PLA2G6: variants seen among roughly 807,000 people sequenced by gnomAD.
PLA2G6 encodes phospholipase A2 group VI, also known as 85/88 kDa calcium-independent phospholipase A2.
A neutral mutation model predicts 83.8 loss-of-function variants in PLA2G6; 62 were observed. The observed-to-expected ratio is 0.74, with a 90% CI of 0.60 to 0.91. The LOEUF (loss-of-function observed/expected upper bound fraction) is 0.91, where lower values mean the gene tolerates loss of function less well. Among genes scored for constraint, PLA2G6 ranks in the 40% least tolerant of loss-of-function variants. PLA2G6 has a pLI of 0.00. For synonymous variants in PLA2G6, 417 were observed against 449.8 expected (o/e 0.93, Z 0.92); for missense variants, 944 against 1,102.0 (o/e 0.86, Z 2.03).
At position 38,128,357 on chromosome 22, in the gene PLA2G6, C is replaced by G. The variant is rs1448993577; in HGVS notation, c.1260G>C (p.Gly420=). 1.9e-6 allele frequency: 3 copies of G among 1,613,722 alleles called. No individual in the cohort carries two copies. The highest frequency in any genetic ancestry group is 3.3e-5 in the Admixed American group (2 of 60,000). Residue 420 remains glycine, a synonymous_variant, in exon 9 of 17, where the codon GGG becomes GGC. Coordinates refer to ENST00000332509, the MANE Select transcript of PLA2G6 (RefSeq NM_003560.4). The surrounding 1 kb of genome is among the most constrained non-coding windows in gnomAD (Gnocchi z 4.4). ...GAEYCFPPIH[G]VPAEQGSAAP... is the part of the protein sequence containing the mutation. ...CTGCAGAGCCCTGCTCCGCGGGGAC[C>G]CCGTGGATGGGTGGGAAGCAGTATT...
At chr22:38,117,591 A>G (rs1038318818) in intron 12 of PLA2G6, among the ~76,000 whole-genome samples, 2 of 152,240 alleles carry the variant, frequency 1.3e-5, no homozygotes, top group African/African-American at 4.8e-5. Flanking sequence ...AGGTATTTGC[A>G]CATCCGACAT....
At chr22:38,143,418 T>C (rs980913693) in intron 3 of PLA2G6, 130 bp from the exon 4 acceptor site, 31 of 774,832 alleles carry the variant, frequency 4.0e-5, no homozygotes, top group South Asian at 1.3e-4. Context: ...TCAAGAGCAT[T>C]CCCGCCACTC....
In PLA2G6 at chr22:38,119,897, G is replaced by C. The variant is rs572592958; in HGVS notation, c.1742+862C>G. Among the ~76,000 whole-genome samples, 7 of 151,976 alleles carry C rather than the reference G, an allele frequency of 4.6e-5. No individual in the cohort carries two copies. In the East Asian group the frequency reaches 1.3e-3, roughly 29 times the overall value. ...ATATTATCTACCTCATTAAGAACAT[G>C]GGCCACCAAAACCAAAACCAAAACA... On this transcript the variant is annotated intron_variant, in intron 12 of 16. Transcript: ENST00000332509.
intron 1 of PLA2G6, among the ~76,000 whole-genome samples, chr22:38,170,328 A>G (rs2090390210): frequency 6.6e-6 from 1 of 152,002 alleles, no homozygotes; most frequent in Non-Finnish European, 1.5e-5. Context: ...GATCATCGGC[A>G]TTGGTCTAAA....
At chr22:38,119,817 AAAAG>A (rs747932320) in intron 12 of PLA2G6, among the ~76,000 whole-genome samples, 15 of 152,192 alleles carry the variant, frequency 9.9e-5, no homozygotes, top group South Asian at 6.2e-4. Flanking sequence ...TGTTTCAAAA[AAAAG>A]AAAGAAAGAA....
chr22:38,117,993 G>A (rs9622729), intron 12 of PLA2G6, among the ~76,000 whole-genome samples: 49,138 of 148,696 alleles, frequency 0.33, 8,495 homozygotes, highest in South Asian at 0.43. Flanking sequence ...CCGAGATCGC[G>A]CCACTGCACT....
intron 1 of PLA2G6, among the ~76,000 whole-genome samples, chr22:38,172,634 G>A (rs1304280340): frequency 2.0e-5 from 3 of 152,264 alleles, no homozygotes; most frequent in African/African-American, 7.2e-5. Flanking sequence ...GGGGACCTGT[G>A]GGACTCAGGC....
intron 3 of PLA2G6, 41 bp downstream of exon 3, chr22:38,145,397 G>A (rs2089187116): frequency 6.7e-7 from 1 of 1,498,712 alleles, no homozygotes. Flanking sequence ...ACACAAGCAG[G>A]TACACACACG....
At chr22:38,176,322 C>T (rs994131303) in intron 1 of PLA2G6, among the ~76,000 whole-genome samples, 5 of 152,150 alleles carry the variant, frequency 3.3e-5, no homozygotes, top group Non-Finnish European at 5.9e-5. Flanking sequence ...CCGAGAGGTG[C>T]GTGACAGGAA....
chr22:38,126,868 C>T (rs923124948), intron 9 of PLA2G6: 1 of 412,926 alleles, frequency 2.4e-6, no homozygotes, highest in African/African-American at 2.1e-5. Context: ...AGGTGAGGCT[C>T]TAAGAGGGTC....
chr22:38,145,461 G>A lies in PLA2G6; in HGVS notation c.402C>T (p.Cys134=), dbSNP rs200522242. 61 of 1,609,734 alleles carry A rather than the reference G, an allele frequency of 3.8e-5. No homozygotes were observed. In the East Asian group the frequency reaches 1.2e-3, roughly 31 times the overall value. Residue 134 remains cysteine, a synonymous_variant, in exon 3 of 17, where the codon TGC becomes TGT. Transcript: ENST00000332509. The part of the protein sequence containing the change: ...HLAVELGIRE[C]FHHSRIISCA... ...ACCTGATGATACGGCTGTGATGGAA[G>A]CACTCGCGGATCCCTAGCTCCACAG...
In PLA2G6 at chr22:38,120,655, G is replaced by A; in HGVS notation, c.1742+104C>T. On this transcript the variant is annotated intron_variant, in intron 12 of 16. Transcript: ENST00000332509. ...GTTCCCTCTGCTCCCCTCAAGCGTG[G>A]GGCGCTCTTCCCCCTCCCTCAGCAG... 6.5e-6 allele frequency: 9 copies of A among 1,389,562 alleles called. No individual in the cohort carries two copies. The South Asian group carries it at 9.2e-5, about 14-fold the overall frequency. The allele number at this position is 1,389,562 out of a possible 1,614,324, so 86.1% of individuals were successfully genotyped here. A position where few individuals can be genotyped will look rare whatever the true frequency, so the allele number is the denominator to read the frequency against.
rs374816889 is a variant in PLA2G6, at chr22:38,112,314, G to A, written c.2277-9C>T. 1.4e-5 allele frequency: 22 copies of A among 1,612,866 alleles called. No homozygotes were observed. Among genetic ancestry groups the A allele is most frequent in the African/African-American group, 2.7e-5 (2 of 74,908 alleles). On this transcript the variant is annotated splice_polypyrimidine_tract_variant and intron_variant, in intron 16 of 16. Transcript: ENST00000332509. ...CCAGCTGGGGGTTCAATCTGTTCGGGCCAGGGAGGAGGGGGTCACCCTAGG... is the reference window on the plus strand; with the variant it reads ...CCAGCTGGGGGTTCAATCTGTTCGGACCAGGGAGGAGGGGGTCACCCTAGG...
intron 2 of PLA2G6, among the ~76,000 whole-genome samples, chr22:38,165,909 G>T (rs2090195077): frequency 6.6e-6 from 1 of 152,130 alleles, no homozygotes; most frequent in African/African-American, 2.4e-5. Flanking sequence ...AAAAATAAAA[G>T]AAAACAGGAA....
At position 38,120,865 on chromosome 22, in the gene PLA2G6, C is replaced by T. The variant is rs1314992571; in HGVS notation, c.1636G>A (p.Asp546Asn). ...GGCCTGGAGCCCCGGAACACCTCATCCTTCATGCGAAAGTACATGCCGCGC... is the reference window on the plus strand; with the variant it reads ...GGCCTGGAGCCCCGGAACACCTCATTCTTCATGCGAAAGTACATGCCGCGC... ...YMRGMYFRMK[D>N]EVFRGSRPYE... The change falls in exon 12 of 17, where the codon GAT becomes AAT. Residue 546 changes from aspartate to asparagine, a missense_variant. Transcript: ENST00000332509. 5.0e-6 allele frequency: 8 copies of T among 1,613,912 alleles called. 1 individual carries two copies. In the South Asian group the frequency reaches 7.7e-5, roughly 16 times the overall value.
chr22:38,126,561 T>TCC, intron 9 of PLA2G6, 112 bp from the exon 10 acceptor site: 2 of 729,392 alleles, frequency 2.7e-6, no homozygotes, highest in Admixed American at 3.9e-5. Context: ...CACGCCCTCA[T>TCC]CCCCCCACTC....
At chr22:38,140,493 G>C (rs2088839199) in intron 4 of PLA2G6, 1 of 302,748 alleles carries the variant, frequency 3.3e-6, no homozygotes. Flanking sequence ...GGGCAATAGA[G>C]CAAAAACTCT....
chr22:38,148,258 T>G, intron 2 of PLA2G6: 2 of 457,986 alleles, frequency 4.4e-6, no homozygotes, highest in Non-Finnish European at 7.9e-6. Context: ...TTTTGAGGAG[T>G]TTTGCTGTGG....
At chr22:38,133,066 C>T in intron 6 of PLA2G6, 53 bp from the exon 7 acceptor site, 1 of 1,507,446 alleles carries the variant, frequency 6.6e-7, no homozygotes, top group Admixed American at 2.0e-5. Context: ...AGCTGCCGCA[C>T]CCCGGGACAC....
Sources: allele counts gnomAD v4.1 joint callset (sites outside exome capture counted in the v4.1 genomes callset), GRCh38; gene constraint gnomAD v4.1.1; non-coding constraint Gnocchi (gnomAD v3.1); transcripts MANE v1.5; gene names NCBI Gene and HGNC (gene_info 2026-07-23, HGNC 2026-07-21).